SLC25A48: variants seen among roughly 807,000 people sequenced by gnomAD.
SLC25A48 encodes solute carrier family 25 member 48.
In SLC25A48, 29 loss-of-function variants were observed where a neutral mutation model predicts 32.2. The observed-to-expected ratio is 0.90, with a 90% CI of 0.67 to 1.23. The LOEUF is 1.23. Ranked by LOEUF, SLC25A48 falls within the 50% of genes most tolerant of loss-of-function variation. The probability of loss-of-function intolerance (pLI) is 0.00; values close to 1 mark genes in which losing one functional copy is unlikely to be tolerated. For missense variants in SLC25A48, 399 were observed against 422.7 expected (o/e 0.94, Z 0.49); for synonymous variants, 164 against 172.3 (o/e 0.95, Z 0.38).
chr5:135,809,457 T>C (rs1757545474), intron 3 of SLC25A48, among the ~76,000 whole-genome samples: 1 of 152,224 alleles, frequency 6.6e-6, no homozygotes, highest in Non-Finnish European at 1.5e-5. Flanking sequence ...CTTCTGAGGC[T>C]CAAGATCCTC....
At chr5:135,738,647 C>A (rs1009340934) in intron 3 of SLC25A48, among the ~76,000 whole-genome samples, 1 of 152,200 alleles carries the variant, frequency 6.6e-6, no homozygotes, top group Non-Finnish European at 1.5e-5. Flanking sequence ...ATCTGTGAGA[C>A]GAGTGCTCCG....
At chr5:135,605,934 A>T (rs115855670) in intron 1 of SLC25A48, among the ~76,000 whole-genome samples, 2,509 of 152,308 alleles carry the variant, frequency 0.016, 67 homozygotes, top group African/African-American at 0.057. Flanking sequence ...TTATTTTCCA[A>T]TTTAAGATTC....
At chr5:135,836,952 G>T (rs1407573519) in intron 1 of SLC25A48, among the ~76,000 whole-genome samples, 7 of 125,776 alleles carry the variant, frequency 5.6e-5, no homozygotes, top group African/African-American at 1.3e-4. Context: ...CCCTTTTTTT[G>T]ATATTATCCC....
At chr5:135,787,413 G>T (rs1756875558) in intron 3 of SLC25A48, among the ~76,000 whole-genome samples, 1 of 151,912 alleles carries the variant, frequency 6.6e-6, no homozygotes, top group South Asian at 2.1e-4. Context: ...ATTTTAGGGG[G>T]ATATTACACC....
intron 3 of SLC25A48, among the ~76,000 whole-genome samples, chr5:135,805,437 A>T (rs1288852843): frequency 1.3e-5 from 2 of 151,534 alleles, no homozygotes; most frequent in Non-Finnish European, 3.0e-5. Context: ...CTAACATCAC[A>T]GTGGGTATAC....
intron 1 of SLC25A48, among the ~76,000 whole-genome samples, chr5:135,588,853 A>G (rs1322279106): frequency 2.0e-5 from 3 of 152,232 alleles, no homozygotes; most frequent in Admixed American, 6.5e-5. Flanking sequence ...TCAGGAACTC[A>G]TAATTAATTT....
intron 1 of SLC25A48, among the ~76,000 whole-genome samples, chr5:135,840,873 C>T (rs1276965733): frequency 6.6e-6 from 1 of 152,108 alleles, no homozygotes; most frequent in Non-Finnish European, 1.5e-5. Context: ...AACAATGTTG[C>T]CGTGATGTGT....
At chr5:135,662,641 TC>T (rs1423328469) in intron 3 of SLC25A48, among the ~76,000 whole-genome samples, 2 of 152,078 alleles carry the variant, frequency 1.3e-5, no homozygotes, top group East Asian at 3.9e-4. Flanking sequence ...GGGGTGAGCT[TC>T]CCCCAGCTTA....
At chr5:135,677,971 C>G (rs961546623) in intron 3 of SLC25A48, among the ~76,000 whole-genome samples, 10 of 152,176 alleles carry the variant, frequency 6.6e-5, no homozygotes, top group African/African-American at 2.4e-4. Flanking sequence ...TGACTTTAGA[C>G]AATTTGACTA....
chr5:135,847,548 T>A (rs1759522911), intron 2 of SLC25A48, among the ~76,000 whole-genome samples: 1 of 152,184 alleles, frequency 6.6e-6, no homozygotes, highest in African/African-American at 2.4e-5. Context: ...GATCTTGAGA[T>A]GGGAGGATGA....
chr5:135,792,815 C>T (rs1021994070), intron 3 of SLC25A48, among the ~76,000 whole-genome samples: 15 of 151,388 alleles, frequency 9.9e-5, no homozygotes, highest in African/African-American at 3.4e-4. Context: ...AGATATTATT[C>T]CTAATATTAC....
At chr5:135,778,148 G>A (rs1756616382) in intron 3 of SLC25A48, among the ~76,000 whole-genome samples, 1 of 151,456 alleles carries the variant, frequency 6.6e-6, no homozygotes, top group African/African-American at 2.4e-5. Context: ...CATGCGCCCC[G>A]TGGTATTGTT....
chr5:135,701,150 C>T (rs7732775), intron 3 of SLC25A48, among the ~76,000 whole-genome samples: 1,818 of 152,176 alleles, frequency 0.012, 37 homozygotes, highest in African/African-American at 0.041. Context: ...GAGTGTGGGC[C>T]GTCAGTCCTC....
chr5:135,660,628 T>C (rs1332256467), intron 3 of SLC25A48, among the ~76,000 whole-genome samples: 1 of 152,178 alleles, frequency 6.6e-6, no homozygotes, highest in Non-Finnish European at 1.5e-5. Flanking sequence ...TCTCTATGAC[T>C]CAGGTTTTTT....
chr5:135,630,748 C>G (rs1580737055), intron 2 of SLC25A48, among the ~76,000 whole-genome samples: 1 of 151,716 alleles, frequency 6.6e-6, no homozygotes, highest in Admixed American at 6.6e-5. Flanking sequence ...ATTACAGGTG[C>G]CTGCCACCAA....
At chr5:135,772,132 C>T (rs73789151) in intron 3 of SLC25A48, among the ~76,000 whole-genome samples, 6,442 of 151,436 alleles carry the variant, frequency 0.043, 278 homozygotes, top group African/African-American at 0.11. Context: ...TAATATTACT[C>T]CCAGTATCAC....
intron 3 of SLC25A48, among the ~76,000 whole-genome samples, chr5:135,787,076 T>C (rs1282557998): frequency 6.6e-6 from 1 of 152,104 alleles, no homozygotes; most frequent in African/African-American, 2.4e-5. Flanking sequence ...CACCCTGTGG[T>C]ATTATTCGTA....
intron 7 of SLC25A48, among the ~76,000 whole-genome samples, chr5:135,880,637 A>G (rs1252095209): frequency 1.3e-5 from 2 of 152,074 alleles, no homozygotes; most frequent in Admixed American, 6.5e-5. Context: ...ACTCTTCTAA[A>G]GACAGCAGTC....
chr5:135,862,362 G>C (rs1168064989), intron 4 of SLC25A48, among the ~76,000 whole-genome samples: 3 of 152,242 alleles, frequency 2.0e-5, no homozygotes, highest in Non-Finnish European at 4.4e-5. Context: ...ATCAGGGAAG[G>C]ACTGAACATT....
Sources: allele counts gnomAD v4.1 joint callset (sites outside exome capture counted in the v4.1 genomes callset), GRCh38; gene constraint gnomAD v4.1.1; transcripts MANE v1.5; gene names NCBI Gene and HGNC (gene_info 2026-07-23, HGNC 2026-07-21).